Variants in FAM135B observed in about 807,000 individuals in gnomAD.
The protein encoded by FAM135B is family with sequence similarity 135 member B, also known as protein FAM135B.
FAM135B carries 43 observed loss-of-function variants against 127.7 expected under a neutral mutation model. The observed-to-expected ratio is 0.34, with a 90% CI of 0.26 to 0.43. The LOEUF is 0.43. Ranked by LOEUF, FAM135B falls within the 20% of genes least tolerant of loss-of-function variation. The probability of loss-of-function intolerance (pLI) is 1.00; values close to 1 mark genes in which losing one functional copy is unlikely to be tolerated. For missense variants in FAM135B, 1,558 were observed against 1,725.6 expected (o/e 0.90, Z 1.72); for synonymous variants, 670 against 665.1 (o/e 1.01, Z -0.11).
At chr8:138,345,111 G>T (rs1223408298) in intron 2 of FAM135B, among the ~76,000 whole-genome samples, 1 of 152,062 alleles carries the variant, frequency 6.6e-6, no homozygotes, top group Non-Finnish European at 1.5e-5. Flanking sequence ...GGAGGATGAG[G>T]GTCAGAATAG....
At chr8:138,387,803 A>G (rs1832308779) in intron 1 of FAM135B, among the ~76,000 whole-genome samples, 1 of 152,042 alleles carries the variant, frequency 6.6e-6, no homozygotes, top group African/African-American at 2.4e-5. Flanking sequence ...AGTCCCAGTC[A>G]TCTCTCTCCC....
intron 7 of FAM135B, among the ~76,000 whole-genome samples, chr8:138,224,114 C>G (rs988118438): frequency 6.6e-6 from 1 of 152,108 alleles, no homozygotes; most frequent in African/African-American, 2.4e-5. Context: ...CAACTGTACC[C>G]CAAACCTCAG....
In FAM135B at chr8:138,310,167, A is replaced by T. The variant is rs866755621; in HGVS notation, c.157+674T>A. Among the ~76,000 whole-genome samples the T allele has an allele frequency of 4.6e-5, 7 of 152,260 alleles. No individual in the cohort carries two copies. In the South Asian group the frequency reaches 1.5e-3, roughly 32 times the overall value. The stretch of plus-strand genomic sequence containing the variant: ...ATTATAGGCATGAGCCACTGCACTC[A>T]GCCTCTCCTTCTTCTTAAGGTCTAG... On this transcript the variant is annotated intron_variant, in intron 3 of 19. Transcript: ENST00000395297.
At chr8:138,465,452 T>G (rs1161863376) in intron 1 of FAM135B, among the ~76,000 whole-genome samples, 1 of 152,158 alleles carries the variant, frequency 6.6e-6, no homozygotes, top group Non-Finnish European at 1.5e-5. Flanking sequence ...TCAGGGCTGA[T>G]CAAATCCAAA....
chr8:138,494,849 A>AAAAAAC (rs373037651), intron 1 of FAM135B, among the ~76,000 whole-genome samples: 12,130 of 149,948 alleles, frequency 0.081, 573 homozygotes, highest in African/African-American at 0.11. Flanking sequence ...AAAAAAAAAA[A>AAAAAAC]AAACTTAATC....
rs778218352 is a variant in FAM135B at position 138,151,498 on chromosome 8, C to T, written c.2977G>A (p.Val993Ile). 1.7e-5 allele frequency: 27 copies of T among 1,614,084 alleles called. No homozygotes were observed. The highest frequency in any genetic ancestry group is 1.3e-4 in the African/African-American group (10 of 74,934). Residue 993 changes from valine to isoleucine, a missense_variant, in exon 13 of 20, where the codon GTT (valine) becomes ATT (isoleucine). Val to Ile is a conservative substitution (Grantham distance 29). Around this residue, in one of 5 missense-constraint regions of FAM135B, gnomAD observed 923 missense variants for 865.3 expected, o/e 1.07. Transcript: ENST00000395297. ...GTVCPTVTHSVHSQVLKNQEL... is the reference protein window; with the variant it reads ...GTVCPTVTHSIHSQVLKNQEL... ...TGGTTTTTCAAAACCTGGGAATGAA[C>T]GGAATGGGTCACAGTGGGGCACACA... is the stretch of plus-strand genomic sequence containing the variant.
intron 2 of FAM135B, among the ~76,000 whole-genome samples, chr8:138,352,953 T>A (rs1829870290): frequency 6.6e-6 from 1 of 152,144 alleles, no homozygotes; most frequent in Non-Finnish European, 1.5e-5. Context: ...ATAAGACACC[T>A]CATCCAATAA....
At chr8:138,374,246 T>C (rs1831325463) in intron 1 of FAM135B, among the ~76,000 whole-genome samples, 2 of 152,188 alleles carry the variant, frequency 1.3e-5, no homozygotes, top group South Asian at 2.1e-4. Context: ...TACGTGACTC[T>C]TGGGGCAGGT....
intron 7 of FAM135B, among the ~76,000 whole-genome samples, chr8:138,240,763 C>T (rs150620176): frequency 2.6e-5 from 4 of 152,270 alleles, no homozygotes; most frequent in Admixed American, 6.5e-5. Context: ...GGAGGGTGTA[C>T]AGGGAGTTGC....
In FAM135B at chr8:138,396,390, C is replaced by T. The variant is rs191759937; in HGVS notation, c.-19-28388G>A. On this transcript the variant is annotated intron_variant, in intron 1 of 19. Coordinates refer to ENST00000395297, the MANE Select transcript of FAM135B (RefSeq NM_015912.4). Reference sequence around the variant, plus strand: ...TTGTTGTAAAGCCCATATAAAGCTCCGTCAATACCTTCTTGATGACGTTCA... The same window carrying T: ...TTGTTGTAAAGCCCATATAAAGCTCTGTCAATACCTTCTTGATGACGTTCA... Among the ~76,000 whole-genome samples the T allele has an allele frequency of 3.9e-4, 60 of 152,238 alleles. 1 individual carries two copies. Among genetic ancestry groups the T allele is most frequent in the African/African-American group, 1.3e-3 (56 of 41,546 alleles).
chr8:138,373,612 G>A (rs750378095), intron 1 of FAM135B, among the ~76,000 whole-genome samples: 4 of 152,066 alleles, frequency 2.6e-5, no homozygotes, highest in Non-Finnish European at 4.4e-5. Context: ...CTGGTGAGCT[G>A]GGCGGAACAG....
At chr8:138,279,011 T>C (rs1335202696) in intron 3 of FAM135B, among the ~76,000 whole-genome samples, 1 of 152,202 alleles carries the variant, frequency 6.6e-6, no homozygotes, top group African/African-American at 2.4e-5. Context: ...TTCTTGCTGA[T>C]TAGACCTGGT....
At chr8:138,219,729 C>T (rs2130013540) in intron 7 of FAM135B, among the ~76,000 whole-genome samples, 1 of 152,168 alleles carries the variant, frequency 6.6e-6, no homozygotes, top group Non-Finnish European at 1.5e-5. Flanking sequence ...CTCACTTTAC[C>T]TCCCTCCCCC....
At chr8:138,227,246 A>G (rs956633422) in intron 7 of FAM135B, among the ~76,000 whole-genome samples, 3 of 152,218 alleles carry the variant, frequency 2.0e-5, no homozygotes, top group Non-Finnish European at 4.4e-5. Context: ...AGTCAAACCA[A>G]TTATCCTCTT....
intron 1 of FAM135B, among the ~76,000 whole-genome samples, chr8:138,383,847 A>T (rs1832021397): frequency 6.6e-6 from 1 of 152,168 alleles, no homozygotes; most frequent in South Asian, 2.1e-4. Flanking sequence ...CTTACATTTG[A>T]CAAAGGAGAC....
At chr8:138,273,267 G>A (rs576533290) in intron 3 of FAM135B, among the ~76,000 whole-genome samples, 178 of 152,242 alleles carry the variant, frequency 1.2e-3, no homozygotes, top group Middle Eastern at 6.8e-3. Flanking sequence ...GTGCAGTGGC[G>A]TGATCTTGGC....
chr8:138,199,240 C>T (rs1052650809), intron 7 of FAM135B, among the ~76,000 whole-genome samples: 12 of 152,190 alleles, frequency 7.9e-5, no homozygotes, highest in East Asian at 1.9e-4. Context: ...CTCTAACCAC[C>T]GTACCACAAT....
intron 8 of FAM135B, among the ~76,000 whole-genome samples, chr8:138,197,087 G>A (rs1258430924): frequency 1.6e-5 from 1 of 63,044 alleles, no homozygotes; most frequent in Non-Finnish European, 3.4e-5. Context: ...GTGTGTGTGT[G>A]TGTGTGTGTG....
chr8:138,225,172 T>A (rs1161202290), intron 7 of FAM135B, among the ~76,000 whole-genome samples: 4 of 152,172 alleles, frequency 2.6e-5, no homozygotes, highest in Non-Finnish European at 5.9e-5. Flanking sequence ...CTATACAAAG[T>A]ATACATAGAT....
Sources: gnomAD v4.1 joint callset for allele counts (sites outside exome capture counted in the v4.1 genomes callset) on GRCh38, gnomAD v4.1.1 for gene constraint, gnomAD v4.1.1 regional missense constraint, MANE v1.5 for transcripts, NCBI Gene and HGNC (gene_info 2026-07-23, HGNC 2026-07-21) for gene names.